The following ZC3H12B variants were observed in gnomAD, a reference collection of about 807,000 sequenced individuals.
The protein encoded by ZC3H12B is zinc finger CCCH-type containing 12B, also known as probable ribonuclease ZC3H12B.
In ZC3H12B, 7 loss-of-function variants were observed where a neutral mutation model predicts 43.9. That is an observed-to-expected ratio of 0.16 (90% CI 0.09 to 0.30). The LOEUF (loss-of-function observed/expected upper bound fraction) is 0.30. Ranked by LOEUF, ZC3H12B falls within the 10% of genes least tolerant of loss-of-function variation. The probability of loss-of-function intolerance (pLI) is 1.00; values close to 1 mark genes in which losing one functional copy is unlikely to be tolerated. For missense variants in ZC3H12B, 475 were observed against 670.2 expected, an observed-to-expected ratio of 0.71 and a Z score of 3.22; for synonymous variants, 222 against 241.7, an observed-to-expected ratio of 0.92 and a Z score of 0.76.
the ZC3H12B span, among the ~76,000 whole-genome samples, chrX:65,259,163 T>C: frequency 1.8e-5 from 2 of 111,525 alleles, no homozygotes; most frequent in Non-Finnish European, 3.8e-5. Context: ...ATGTCAAACT[T>C]TACTACAAGG....
the ZC3H12B span, among the ~76,000 whole-genome samples, chrX:65,283,922 CTGA>C: frequency 3.6e-5 from 4 of 111,150 alleles, no homozygotes; most frequent in African/African-American, 9.8e-5. Flanking sequence ...CACTGTGCTG[CTGA>C]TATTTGATAC....
chrX:65,499,563 C>T (rs182170673), intron 3 of ZC3H12B, among the ~76,000 whole-genome samples: 1 of 111,261 alleles, frequency 9.0e-6, no homozygotes, highest in Non-Finnish European at 1.9e-5. Flanking sequence ...GGCTGCTAGG[C>T]ATGAGGTGAG....
intron 3 of ZC3H12B, among the ~76,000 whole-genome samples, chrX:65,442,918 C>A (rs1391111382): frequency 2.7e-5 from 3 of 110,985 alleles, no homozygotes; most frequent in Non-Finnish European, 5.7e-5. Flanking sequence ...TAAGAGCCAT[C>A]GCTCGAGGCG....
the ZC3H12B span, among the ~76,000 whole-genome samples, chrX:65,126,506 G>A: frequency 9.0e-6 from 1 of 111,053 alleles, no homozygotes; most frequent in African/African-American, 3.3e-5. Context: ...GGTGTTCTTT[G>A]AGATTCTTGT....
intron 3 of ZC3H12B, among the ~76,000 whole-genome samples, chrX:65,450,885 G>A (rs1351666824): frequency 1.3e-5 from 1 of 76,557 alleles, no homozygotes; most frequent in African/African-American, 4.5e-5. Flanking sequence ...ATACATATGT[G>A]TATATATGTA....
intron 3 of ZC3H12B, among the ~76,000 whole-genome samples, chrX:65,477,617 C>T (rs775757069): frequency 9.1e-6 from 1 of 110,239 alleles, no homozygotes; most frequent in South Asian, 3.9e-4. Context: ...CAAAAATTAG[C>T]CGGGTATGGT....
chrX:65,197,234 C>CA, the ZC3H12B span, among the ~76,000 whole-genome samples: 25 of 111,672 alleles, frequency 2.2e-4, no homozygotes, highest in East Asian at 6.8e-3. Context: ...CCAGCACAGG[C>CA]AAAAAATGGC....
chrX:65,232,949 T>G, the ZC3H12B span, among the ~76,000 whole-genome samples: 2 of 111,875 alleles, frequency 1.8e-5, no homozygotes, highest in Admixed American at 9.5e-5. Context: ...CAGCTATACT[T>G]ACATCAGAAA....
At chrX:65,372,261 A>T (rs1487602864) in intron 2 of ZC3H12B, among the ~76,000 whole-genome samples, 1 of 111,984 alleles carries the variant, frequency 8.9e-6, no homozygotes, top group Non-Finnish European at 1.9e-5. Flanking sequence ...TTGATATTAG[A>T]TGATGAGACT....
At chrX:65,244,298 G>T in the ZC3H12B span, among the ~76,000 whole-genome samples, 3 of 110,675 alleles carry the variant, frequency 2.7e-5, no homozygotes, top group East Asian at 5.7e-4. Flanking sequence ...ACAAATAATG[G>T]TAATCAAAGA....
chrX:65,144,212 C>T, the ZC3H12B span, among the ~76,000 whole-genome samples: 1 of 111,305 alleles, frequency 9.0e-6, no homozygotes, highest in Non-Finnish European at 1.9e-5. Context: ...TCTGATTCTT[C>T]CTGGTTTAAG....
chrX:65,052,194 T>A, the ZC3H12B span, among the ~76,000 whole-genome samples: 1 of 111,291 alleles, frequency 9.0e-6, no homozygotes, highest in African/African-American at 3.3e-5. Context: ...TGTTTGTGGG[T>A]ACATAGTAGA....
chrX:65,465,622 G>A (rs2067807424), intron 3 of ZC3H12B, among the ~76,000 whole-genome samples: 1 of 110,082 alleles, frequency 9.1e-6, no homozygotes, highest in African/African-American at 3.3e-5. Context: ...GATTTTGAAG[G>A]ACTTCTGCTA....
At chrX:65,393,110 G>T (rs755591705) in intron 2 of ZC3H12B, among the ~76,000 whole-genome samples, 1 of 110,838 alleles carries the variant, frequency 9.0e-6, no homozygotes, top group Non-Finnish European at 1.9e-5. Context: ...CAAACACTGC[G>T]GAAGGCCACA....
At chrX:65,295,506 A>T in the ZC3H12B span, among the ~76,000 whole-genome samples, 1 of 111,573 alleles carries the variant, frequency 9.0e-6, no homozygotes, top group African/African-American at 3.2e-5. Context: ...GACTAGAGAA[A>T]TGGGAACAAA....
At chrX:65,359,359 T>G in the ZC3H12B span, among the ~76,000 whole-genome samples, 2 of 111,897 alleles carry the variant, frequency 1.8e-5, no homozygotes, top group Non-Finnish European at 3.8e-5. Flanking sequence ...CTATGGTTGC[T>G]AGAGATAATG....
chrX:65,472,840 A>ATGTTTGTG (rs2067937452), intron 3 of ZC3H12B, among the ~76,000 whole-genome samples: 1 of 88,671 alleles, frequency 1.1e-5, no homozygotes, highest in African/African-American at 4.4e-5. Flanking sequence ...ATATATATAT[A>ATGTTTGTG]TATATATATA....
chrX:65,503,140 G>T (rs2068391672), exon 5 of ZC3H12B: 2 of 1,211,281 alleles, frequency 1.7e-6, no homozygotes, highest in African/African-American at 3.5e-5. Flanking sequence ...TGATGGAGAA[G>T]AATCCCCACA....
At chrX:65,047,951 C>A in the ZC3H12B span, among the ~76,000 whole-genome samples, 46 of 110,459 alleles carry the variant, frequency 4.2e-4, no homozygotes, top group African/African-American at 1.4e-3. Context: ...GGTATCTACC[C>A]TCTTAAGAAA....
Sources: allele counts gnomAD v4.1 joint callset (sites outside exome capture counted in the v4.1 genomes callset), GRCh38; gene constraint gnomAD v4.1.1; transcripts MANE v1.5; gene names NCBI Gene and HGNC (gene_info 2026-07-23, HGNC 2026-07-21).